The following FUT9 variants were observed in gnomAD, a reference collection of about 807,000 sequenced individuals.
FUT9 encodes the protein 4-galactosyl-N-acetylglucosaminide 3-alpha-L-fucosyltransferase 9.
In FUT9, 15 loss-of-function variants were observed where a neutral mutation model predicts 29.7. The observed-to-expected ratio is 0.51, with a 90% CI of 0.34 to 0.78. The LOEUF is 0.78. FUT9 is among the 30% of genes least tolerant of loss of function. The pLI is 0.01. For synonymous variants in FUT9, 169 were observed against 153.7 expected (o/e 1.10, Z -0.74); for missense variants, 319 against 425.4 (o/e 0.75, Z 2.20).
At chr6:96,070,649 T>C (rs1460058240) in intron 1 of FUT9, among the ~76,000 whole-genome samples, 1 of 152,088 alleles carries the variant, frequency 6.6e-6, no homozygotes, top group Non-Finnish European at 1.5e-5. Context: ...ATTGTGCCAC[T>C]GCACTCCAGC....
chr6:96,155,705 GAAAGA>G (rs1042685231), intron 2 of FUT9, among the ~76,000 whole-genome samples: 5 of 151,570 alleles, frequency 3.3e-5, no homozygotes, highest in African/African-American at 1.2e-4. Flanking sequence ...AAAAAGAAAA[GAAAGA>G]AAAGAAAAGC....
intron 1 of FUT9, among the ~76,000 whole-genome samples, chr6:96,066,737 T>C (rs150576722): frequency 2.9e-3 from 441 of 152,236 alleles, no homozygotes; most frequent in African/African-American, 9.1e-3. Context: ...TACAAATATA[T>C]GTACTTTATT....
intron 1 of FUT9, among the ~76,000 whole-genome samples, chr6:96,088,345 T>G (rs1771353868): frequency 6.6e-6 from 1 of 152,230 alleles, no homozygotes; most frequent in East Asian, 1.9e-4. Context: ...TAATGCTTCT[T>G]GTGCTTGGAG....
intron 1 of FUT9, among the ~76,000 whole-genome samples, chr6:96,095,386 T>G (rs1486992335): frequency 2.0e-5 from 3 of 152,148 alleles, no homozygotes; most frequent in Non-Finnish European, 4.4e-5. Context: ...CCTGATTGAC[T>G]CCTTTCCTCA....
At chr6:96,017,094 GCAA>G (rs761376802) in intron 1 of FUT9, among the ~76,000 whole-genome samples, 5 of 152,208 alleles carry the variant, frequency 3.3e-5, no homozygotes, top group African/African-American at 4.8e-5. Flanking sequence ...ATCTCTTTCA[GCAA>G]CAACACTATC....
At chr6:96,139,949 C>T (rs1045975195) in intron 2 of FUT9, among the ~76,000 whole-genome samples, 1 of 152,202 alleles carries the variant, frequency 6.6e-6, no homozygotes, top group Admixed American at 6.5e-5. Flanking sequence ...ATTACTTATG[C>T]AAATTTATAC....
At chr6:96,140,823 C>G (rs559986855) in intron 2 of FUT9, among the ~76,000 whole-genome samples, 1 of 152,190 alleles carries the variant, frequency 6.6e-6, no homozygotes, top group East Asian at 1.9e-4. Context: ...ATGATCTACT[C>G]TCACCACTGA....
chr6:96,149,157 C>CA (rs956061529), intron 2 of FUT9, among the ~76,000 whole-genome samples: 93 of 39,740 alleles, frequency 2.3e-3, no homozygotes, highest in South Asian at 4.5e-3. Context: ...AGTGAGACTC[C>CA]AAAAAAAAAA....
At chr6:96,165,258 C>A (rs959050680) in intron 2 of FUT9, among the ~76,000 whole-genome samples, 3 of 151,762 alleles carry the variant, frequency 2.0e-5, no homozygotes, top group Admixed American at 6.6e-5. Flanking sequence ...ATGGAGAAAC[C>A]CCGTCTCTAC....
chr6:96,016,891 C>T (rs1367209399), intron 1 of FUT9, among the ~76,000 whole-genome samples: 1 of 152,180 alleles, frequency 6.6e-6, no homozygotes, highest in Non-Finnish European at 1.5e-5. Context: ...AAAATAAAGA[C>T]AAAAACCAAA....
At chr6:96,107,984 C>CA (rs1771724147) in intron 1 of FUT9, among the ~76,000 whole-genome samples, 1 of 140,778 alleles carries the variant, frequency 7.1e-6, no homozygotes, top group East Asian at 2.0e-4. Context: ...CTCATGGCCA[C>CA]TTTTTTTTTT....
At chr6:96,124,146 C>CT (rs1772086218) in intron 2 of FUT9, among the ~76,000 whole-genome samples, 1 of 138,624 alleles carries the variant, frequency 7.2e-6, no homozygotes, top group Non-Finnish European at 1.5e-5. Context: ...TTCTTTTTTT[C>CT]TTTTTTCTTT....
At chr6:96,184,478 C>T (rs1185995991) in intron 2 of FUT9, among the ~76,000 whole-genome samples, 1 of 151,418 alleles carries the variant, frequency 6.6e-6, no homozygotes, top group Non-Finnish European at 1.5e-5. Flanking sequence ...TTGGTTATTT[C>T]CTTTCTTCTT....
At position 96,209,197 on chromosome 6, in the gene FUT9, T is replaced by C. The variant is rs1433235779; in HGVS notation, c.*4962T>C. On this transcript the variant is annotated 3_prime_UTR_variant, in exon 3 of 3. Transcript: ENST00000302103. Reference sequence around the variant, plus strand: ...CTATTACTCTTATCTAAGATCGAAATTGATATATGCATGAAATTCCTAATG... The same window carrying C: ...CTATTACTCTTATCTAAGATCGAAACTGATATATGCATGAAATTCCTAATG... 6.0e-6 allele frequency: 1 copy of C among 166,922 alleles called. No individual in the cohort carries two copies. 10.3% of individuals were successfully genotyped at this position (166,922 alleles called of 1,614,324 possible). A position where few individuals can be genotyped will look rare whatever the true frequency, so the allele number is the denominator to read the frequency against.
At position 96,204,293 on chromosome 6, in the gene FUT9, G is replaced by A; in HGVS notation, c.*58G>A. ...TTTGATGAGATATCATCCAAGTATT[G>A]AGGATAAGAAGAGATGCAACATACT... is the stretch of plus-strand genomic sequence containing the variant. On this transcript the variant is annotated 3_prime_UTR_variant, in exon 3 of 3. Transcript: ENST00000302103. 8.0e-7 allele frequency: 1 copy of A among 1,244,752 alleles called. No individual in the cohort carries two copies. The highest frequency in any genetic ancestry group is 1.1e-6 in the Non-Finnish European group (1 of 930,686). The allele number at this position is 1,244,752 out of a possible 1,614,324, so 77.1% of individuals were successfully genotyped here.
At chr6:96,118,016 G>T (rs1468372917) in intron 2 of FUT9, among the ~76,000 whole-genome samples, 3 of 151,986 alleles carry the variant, frequency 2.0e-5, no homozygotes, top group African/African-American at 7.3e-5. Context: ...GACCAGCCTG[G>T]CCAACACAAT....
rs1441143758 is a variant in FUT9 at position 96,027,305 on chromosome 6, T to C, written c.-98+11093T>C. 2.0e-5 allele frequency among the ~76,000 whole-genome samples: 3 copies of C among 151,738 alleles called. 1 individual carries two copies. The highest frequency in any genetic ancestry group is 7.2e-5 in the African/African-American group (3 of 41,400). Reference sequence around the variant, plus strand: ...ATTTATATTATACAGAATTTACTTCTATTCTAACCCTGCATTAGAAATTTC... The same window carrying C: ...ATTTATATTATACAGAATTTACTTCCATTCTAACCCTGCATTAGAAATTTC... On this transcript the variant is annotated intron_variant, in intron 1 of 2. Coordinates refer to ENST00000302103, the MANE Select transcript of FUT9 (RefSeq NM_006581.4).
intron 2 of FUT9, among the ~76,000 whole-genome samples, chr6:96,131,206 A>G (rs7738444): frequency 0.17 from 25,805 of 152,078 alleles, 2,338 homozygotes; most frequent in Non-Finnish European, 0.2. Flanking sequence ...AATAAATGTT[A>G]TGGTAACTAC....
intron 1 of FUT9, among the ~76,000 whole-genome samples, chr6:96,078,409 T>C (rs1384227213): frequency 5.0e-5 from 2 of 40,066 alleles, no homozygotes; most frequent in African/African-American, 1.8e-4. Flanking sequence ...ATTAGTCTTC[T>C]TTTTTTTTTT....
Sources: gnomAD v4.1 joint callset for allele counts (sites outside exome capture counted in the v4.1 genomes callset) on GRCh38, gnomAD v4.1.1 for gene constraint, MANE v1.5 for transcripts, NCBI Gene and HGNC (gene_info 2026-07-23, HGNC 2026-07-21) for gene names.